Variants in KCNQ5 observed in about 807,000 individuals in gnomAD.
KCNQ5 encodes the protein potassium voltage-gated channel subfamily Q member 5, also known as potassium voltage-gated channel subfamily KQT member 5.
Under a neutral mutation model 98.2 loss-of-function variants are expected in KCNQ5, and 30 were observed. The ratio of observed to expected loss-of-function variants is 0.31; its 90% CI spans 0.23 to 0.41. The LOEUF is 0.41. Among genes scored for constraint, KCNQ5 ranks in the 10% least tolerant of loss-of-function variants. The pLI is 1.00. For missense variants in KCNQ5, 835 were observed against 1,182.5 expected, an observed-to-expected ratio of 0.71 and a Z score of 4.31; for synonymous variants, 458 against 449.4, an observed-to-expected ratio of 1.02 and a Z score of -0.24.
In KCNQ5 at chr6:73,195,055, ACT is replaced by A. The variant is rs1043911490; in HGVS notation, c.2443_2444del (p.Leu815ValfsTer35). On this transcript the variant is annotated frameshift_variant, in exon 14 of 14. Coordinates refer to ENST00000370398, the MANE Select transcript of KCNQ5 (RefSeq NM_019842.4). LOFTEE classifies it high-confidence loss of function. ...GAAAAGCTTTGACATGGGAGGAGAA[ACT>A]CTGTTGTCTGTCTGTCCCATGGTGC... is the stretch of plus-strand genomic sequence containing the variant. ...MRKSFDMGGE[T>X]LLSVCPMVPK... 2.5e-6 allele frequency: 4 copies of A among 1,613,998 alleles called. No individual in the cohort carries two copies. The African/African-American group carries it at 4.0e-5, about 16-fold the overall frequency.
intron 10 of KCNQ5, among the ~76,000 whole-genome samples, chr6:73,164,796 A>C (rs1182632370): frequency 6.6e-6 from 1 of 152,204 alleles, no homozygotes; most frequent in Admixed American, 6.5e-5. Flanking sequence ...TTTCAAATAC[A>C]GAAATTATTA....
intron 1 of KCNQ5, among the ~76,000 whole-genome samples, chr6:72,849,558 G>A (rs539845809): frequency 3.1e-4 from 47 of 152,232 alleles, no homozygotes; most frequent in African/African-American, 1.0e-3. Context: ...GGTGCCATGT[G>A]GTTTCATGTT....
At chr6:73,058,958 G>C (rs952583452) in intron 3 of KCNQ5, among the ~76,000 whole-genome samples, 1 of 152,216 alleles carries the variant, frequency 6.6e-6, no homozygotes, top group African/African-American at 2.4e-5. Context: ...CTTATATACT[G>C]CTGGTGGGAA....
chr6:72,903,148 C>G (rs1486637573), intron 1 of KCNQ5, among the ~76,000 whole-genome samples: 1 of 152,020 alleles, frequency 6.6e-6, no homozygotes, highest in Non-Finnish European at 1.5e-5. Context: ...CTTGAAAGAT[C>G]TTTCGTATTT....
At chr6:72,969,195 A>G (rs1167663043) in intron 1 of KCNQ5, among the ~76,000 whole-genome samples, 1 of 152,232 alleles carries the variant, frequency 6.6e-6, no homozygotes. Context: ...AAGTAATTGA[A>G]CTGATAACCC....
chr6:72,732,206 A>C (rs1025364638), intron 1 of KCNQ5, among the ~76,000 whole-genome samples: 8 of 152,122 alleles, frequency 5.3e-5, no homozygotes, highest in Non-Finnish European at 1.0e-4. Flanking sequence ...ATAGATACAG[A>C]GATACTTCTA....
chr6:73,094,400 A>T (rs1296536203), intron 5 of KCNQ5, among the ~76,000 whole-genome samples: 1 of 152,008 alleles, frequency 6.6e-6, no homozygotes, highest in Non-Finnish European at 1.5e-5. Flanking sequence ...TTTACATTCA[A>T]CGTTAGTATT....
At chr6:72,686,410 T>C (rs1374983329) in intron 1 of KCNQ5, among the ~76,000 whole-genome samples, 2 of 152,216 alleles carry the variant, frequency 1.3e-5, no homozygotes, top group Non-Finnish European at 2.9e-5. Context: ...CTGATGAACA[T>C]TTCATATGTT....
At chr6:72,972,815 A>G (rs545195579) in intron 1 of KCNQ5, among the ~76,000 whole-genome samples, 1 of 152,330 alleles carries the variant, frequency 6.6e-6, no homozygotes, top group South Asian at 2.1e-4. Flanking sequence ...TAATCTTCTC[A>G]TAAGAATACA....
At chr6:72,658,108 A>G (rs1014489525) in intron 1 of KCNQ5, among the ~76,000 whole-genome samples, 8 of 152,194 alleles carry the variant, frequency 5.3e-5, no homozygotes, top group Non-Finnish European at 1.2e-4. Context: ...GGCTTAGAAC[A>G]TTGATAAAGA....
chr6:72,979,317 C>T (rs945638382), intron 1 of KCNQ5, among the ~76,000 whole-genome samples: 24 of 152,196 alleles, frequency 1.6e-4, no homozygotes, highest in Non-Finnish European at 3.2e-4. Context: ...CCTATTTCTC[C>T]ACATCCTCTC....
At chr6:72,871,070 C>T (rs527365411) in intron 1 of KCNQ5, among the ~76,000 whole-genome samples, 2 of 152,244 alleles carry the variant, frequency 1.3e-5, no homozygotes, top group African/African-American at 2.4e-5. Flanking sequence ...GCTTTTCATA[C>T]AGTAATAGTC....
intron 1 of KCNQ5, among the ~76,000 whole-genome samples, chr6:72,805,520 T>TGA (rs1274899258): frequency 6.6e-6 from 1 of 152,158 alleles, no homozygotes; most frequent in Non-Finnish European, 1.5e-5. Flanking sequence ...TCTGTTCCAT[T>TGA]GATCTATGTG....
At chr6:72,779,225 G>T (rs1773324095) in intron 1 of KCNQ5, among the ~76,000 whole-genome samples, 1 of 152,192 alleles carries the variant, frequency 6.6e-6, no homozygotes, top group Non-Finnish European at 1.5e-5. Context: ...TGACAAGAGA[G>T]GGCATTATGA....
intron 3 of KCNQ5, among the ~76,000 whole-genome samples, chr6:73,058,150 C>T (rs925698726): frequency 6.6e-6 from 1 of 152,182 alleles, no homozygotes; most frequent in Non-Finnish European, 1.5e-5. Context: ...CGGTGGCTCA[C>T]GCCTGTAATT....
At chr6:73,053,438 T>A (rs1343645499) in intron 3 of KCNQ5, among the ~76,000 whole-genome samples, 2 of 151,794 alleles carry the variant, frequency 1.3e-5, no homozygotes, top group Admixed American at 6.6e-5. Flanking sequence ...AAAACAGGAG[T>A]GTATATATTC....
chr6:72,822,568 C>T (rs949748225), intron 1 of KCNQ5, among the ~76,000 whole-genome samples: 4 of 152,060 alleles, frequency 2.6e-5, no homozygotes, highest in African/African-American at 7.2e-5. Flanking sequence ...CTAGTGCTTT[C>T]GGGAACTTTT....
intron 1 of KCNQ5, among the ~76,000 whole-genome samples, chr6:72,942,888 T>C (rs1256722558): frequency 2.0e-5 from 3 of 152,244 alleles, no homozygotes; most frequent in African/African-American, 7.2e-5. Context: ...AATCACCTTT[T>C]TGAAGTTTGT....
At chr6:72,960,563 G>A (rs1767292670) in intron 1 of KCNQ5, among the ~76,000 whole-genome samples, 1 of 152,112 alleles carries the variant, frequency 6.6e-6, no homozygotes, top group Admixed American at 6.6e-5. Flanking sequence ...CCGAGTAGCT[G>A]GGATTACAGG....
Sources: gnomAD v4.1 joint callset for allele counts (sites outside exome capture counted in the v4.1 genomes callset) on GRCh38, gnomAD v4.1.1 for gene constraint, MANE v1.5 for transcripts, NCBI Gene and HGNC (gene_info 2026-07-23, HGNC 2026-07-21) for gene names.